USP3: variants seen among roughly 807,000 people sequenced by gnomAD.
USP3 encodes the protein ubiquitin carboxyl-terminal hydrolase 3.
A neutral mutation model predicts 72.3 loss-of-function variants in USP3; 20 were observed. That is an observed-to-expected ratio of 0.28 (90% CI 0.19 to 0.40). The LOEUF (loss-of-function observed/expected upper bound fraction) is 0.40, where lower values mean the gene tolerates loss of function less well. Ranked by LOEUF, USP3 falls within the 10% of genes least tolerant of loss-of-function variation. The pLI is 1.00. For synonymous variants in USP3, 222 were observed against 225.3 expected (o/e 0.99, Z 0.13); for missense variants, 479 against 633.9 (o/e 0.76, Z 2.62).
At chr15:63,568,256 G>A (rs938557148) in intron 8 of USP3, among the ~76,000 whole-genome samples, 58 of 151,744 alleles carry the variant, frequency 3.8e-4, no homozygotes, top group African/African-American at 1.3e-3. Context: ...GGAGCTGAGT[G>A]AGGCAGGAGA....
chr15:63,540,234 A>G (rs1041968247), intron 3 of USP3, among the ~76,000 whole-genome samples: 3 of 151,996 alleles, frequency 2.0e-5, no homozygotes, highest in African/African-American at 7.3e-5. Flanking sequence ...GCCCTGTCCT[A>G]TGTTTGCAAT....
intron 2 of USP3, among the ~76,000 whole-genome samples, chr15:63,535,891 A>T (rs915096239): frequency 2.0e-5 from 3 of 152,180 alleles, no homozygotes; most frequent in African/African-American, 7.2e-5. Context: ...TTTAACCAAC[A>T]TTTGTTTTGA....
chr15:63,534,528 C>T (rs981470080), intron 2 of USP3, among the ~76,000 whole-genome samples: 1 of 152,098 alleles, frequency 6.6e-6, no homozygotes, highest in Non-Finnish European at 1.5e-5. Flanking sequence ...TAGTTAAAAT[C>T]CAAAACTAGA....
chr15:63,586,733 C>T (rs7183892), intron 11 of USP3: 120,538 of 152,258 alleles, frequency 0.79, 49,505 homozygotes, highest in Non-Finnish European at 0.85. Flanking sequence ...GGAACCATCA[C>T]TGACATAAAA....
At chr15:63,520,678 C>T (rs1040608505) in intron 1 of USP3, among the ~76,000 whole-genome samples, 2 of 151,084 alleles carry the variant, frequency 1.3e-5, no homozygotes, top group Non-Finnish European at 2.9e-5. Flanking sequence ...ATTCTCCTGC[C>T]TCAGCCTCCC....
intron 1 of USP3, chr15:63,530,435 C>T: frequency 3.4e-6 from 1 of 292,580 alleles, no homozygotes; most frequent in South Asian, 2.6e-5. Context: ...AATTGATCCT[C>T]CCACGTGGCT....
rs914947687 is a variant in USP3, at chr15:63,580,589, G to A, written c.1096+6186G>A. Among the ~76,000 whole-genome samples the A allele has an allele frequency of 6.6e-4, 96 of 144,900 alleles. 1 individual carries two copies. The highest frequency in any genetic ancestry group is 2.4e-3 in the African/African-American group (94 of 38,872). ...TATCATGTGGAAGACTGACGGTTGT[G>A]AAATACATGCCCTGAAATCTTTGAG... On this transcript the variant is annotated intron_variant, in intron 11 of 14. Transcript: ENST00000380324.
At position 63,553,980 on chromosome 15, in the gene USP3, A is replaced by G. The variant is rs1444197065; in HGVS notation, c.368+182A>G. On this transcript the variant is annotated intron_variant, in intron 4 of 14. Transcript: ENST00000380324. This position sits in a 1 kb window ranked among gnomAD's most constrained non-coding sequence, Gnocchi z 4.2. ...AACTTGGCCCATAGTTAATGGTCAT[A>G]GCTGTGCATTTATTTTATTTAATAT... 6.6e-6 allele frequency among the ~76,000 whole-genome samples: 1 copy of G among 152,210 alleles called. No individual in the cohort carries two copies. Among genetic ancestry groups the G allele is most frequent in the East Asian group, 1.9e-4 (1 of 5,204 alleles).
At chr15:63,584,060 TTA>T (rs1197891390) in intron 11 of USP3, among the ~76,000 whole-genome samples, 1 of 152,060 alleles carries the variant, frequency 6.6e-6, no homozygotes, top group Non-Finnish European at 1.5e-5. Flanking sequence ...CTGTACCATT[TTA>T]CATTCCCACC....
chr15:63,580,660 A>ATATATATATATATAT (rs60776150), intron 11 of USP3, among the ~76,000 whole-genome samples: 1,278 of 112,786 alleles, frequency 0.011, 89 homozygotes, highest in African/African-American at 0.031. Context: ...ATGAATATAT[A>ATATATATATATATAT]ATATATATAT....
rs2067231052 is a variant in USP3, at chr15:63,592,906, A to AAAG, written c.*2082_*2083insGAA. 1 of 152,214 alleles carries AAAG rather than the reference A, an allele frequency of 6.6e-6. No individual in the cohort carries two copies. The highest frequency in any genetic ancestry group is 1.5e-5 in the Non-Finnish European group (1 of 68,034). 9.4% of individuals were successfully genotyped at this position (152,214 alleles called of 1,614,324 possible). On this transcript the variant is annotated 3_prime_UTR_variant, in exon 15 of 15. Transcript: ENST00000380324. ...CACATCTTCCCAGAACACATCTGCT[A>AAAG]AACACTTTAACATGACAAGGAGCAA...
Position 63,560,273 on chromosome 15 carries a change from G to A in USP3, c.647+303G>A, listed in dbSNP as rs562376971. Among the ~76,000 whole-genome samples, 90 of 151,974 alleles carry A rather than the reference G, an allele frequency of 5.9e-4. 1 individual carries two copies. The highest frequency in any genetic ancestry group is 1.9e-3 in the African/African-American group (78 of 41,436). On this transcript the variant is annotated intron_variant, in intron 7 of 14. Coordinates refer to ENST00000380324, the MANE Select transcript of USP3 (RefSeq NM_006537.4). ...TCTACTAAATATACAAAAATTAGCC[G>A]GGCATGGTGGCGGGTACCTGTAATC...
At position 63,505,254 on chromosome 15, in the gene USP3, C is replaced by T. The variant is rs531606375; in HGVS notation, c.91+424C>T. On this transcript the variant is annotated intron_variant, in intron 1 of 14. Coordinates refer to ENST00000380324, the MANE Select transcript of USP3 (RefSeq NM_006537.4). ...GTGGCGGGGCCCGCGCCGCGCTTCT[C>T]CGCAGACAGGGCGGGAAGAGCGCCG... Among the ~76,000 whole-genome samples, 36 of 152,240 alleles carry T rather than the reference C, an allele frequency of 2.4e-4. No homozygotes were observed. In the South Asian group the frequency reaches 7.2e-3, roughly 31 times the overall value.
At chr15:63,520,816 G>A (rs149441441) in intron 1 of USP3, among the ~76,000 whole-genome samples, 2 of 152,012 alleles carry the variant, frequency 1.3e-5, no homozygotes, top group African/African-American at 4.8e-5. Flanking sequence ...GCTCACCTTG[G>A]CCTCCCAAAG....
rs1441037961 is a variant in USP3, at chr15:63,577,996, GAAGA to G, written c.1096+3597_1096+3600del. Among the ~76,000 whole-genome samples, 3 of 151,532 alleles carry G rather than the reference GAAGA, an allele frequency of 2.0e-5. No homozygotes were observed. In the East Asian group the frequency reaches 5.9e-4, roughly 30 times the overall value. ...CCAAATATATTACTGATTAAAAGGAGAAGAAAGGGGTGGGTGCAGTGTAGTCCCA... is the reference window on the plus strand; with the variant it reads ...CCAAATATATTACTGATTAAAAGGAGAAGGGGTGGGTGCAGTGTAGTCCCA... On this transcript the variant is annotated intron_variant, in intron 11 of 14. Transcript: ENST00000380324.
chr15:63,540,424 A>G (rs763333699), intron 3 of USP3, among the ~76,000 whole-genome samples: 1 of 152,204 alleles, frequency 6.6e-6, no homozygotes, highest in Non-Finnish European at 1.5e-5. Flanking sequence ...TTTCCCTAGT[A>G]TGCAGTGTCT....
At chr15:63,518,108 A>T (rs1035047603) in intron 1 of USP3, among the ~76,000 whole-genome samples, 9 of 152,218 alleles carry the variant, frequency 5.9e-5, no homozygotes, top group Non-Finnish European at 1.3e-4. Flanking sequence ...GTTTTGCCCT[A>T]TCAGAAATGG....
chr15:63,577,369 G>A (rs1258250726), intron 11 of USP3, among the ~76,000 whole-genome samples: 1 of 152,236 alleles, frequency 6.6e-6, no homozygotes, highest in Non-Finnish European at 1.5e-5. Flanking sequence ...GCTTATGCCT[G>A]TAGTCCCAGC....
chr15:63,517,017 G>GT (rs1402792188), intron 1 of USP3, among the ~76,000 whole-genome samples: 3 of 150,030 alleles, frequency 2.0e-5, no homozygotes. Context: ...TTTGGTTCTA[G>GT]TTTCTGGTAT....
Sources: gnomAD v4.1 joint callset for allele counts (sites outside exome capture counted in the v4.1 genomes callset) on GRCh38, gnomAD v4.1.1 for gene constraint, Gnocchi (gnomAD v3.1) non-coding constraint, MANE v1.5 for transcripts, NCBI Gene and HGNC (gene_info 2026-07-23, HGNC 2026-07-21) for gene names.